COP1: variants seen among roughly 807,000 people sequenced by gnomAD.
COP1 encodes COP1 E3 ubiquitin ligase.
In COP1, 24 loss-of-function variants were observed where a neutral mutation model predicts 101.3. The observed-to-expected ratio is 0.24, with a 90% CI of 0.17 to 0.33. The LOEUF is 0.33. Ranked by LOEUF, COP1 falls within the 10% of genes least tolerant of loss-of-function variation. COP1 has a pLI of 1.00. For missense variants in COP1, 663 were observed against 906.2 expected (o/e 0.73, Z 3.45); for synonymous variants, 347 against 341.9 (o/e 1.01, Z -0.17).
intron 9 of COP1, among the ~76,000 whole-genome samples, chr1:176,097,864 A>C (rs1682693704): frequency 8.5e-6 from 1 of 117,432 alleles, no homozygotes; most frequent in African/African-American, 3.0e-5. Context: ...GTGAAACTCC[A>C]TCTCAAAAAA....
At chr1:176,150,621 T>C (rs1286949741) in intron 5 of COP1, among the ~76,000 whole-genome samples, 1 of 152,218 alleles carries the variant, frequency 6.6e-6, no homozygotes, top group African/African-American at 2.4e-5. Context: ...ATTTAAAAAG[T>C]AACAACTTTA....
chr1:176,017,800 G>C lies in COP1; in HGVS notation c.1729+9772C>G, dbSNP rs150938826. Among the ~76,000 whole-genome samples, 400 of 152,244 alleles carry C rather than the reference G, an allele frequency of 2.6e-3. 3 individuals carry two copies. Among genetic ancestry groups the C allele is most frequent in the African/African-American group, 9.2e-3 (382 of 41,562 alleles). ...TCGGCCTCCCAAAGTGCTGGGATTAGAGGTGTGAGCCACTGTGCCCAGACT... is the reference window on the plus strand; with the variant it reads ...TCGGCCTCCCAAAGTGCTGGGATTACAGGTGTGAGCCACTGTGCCCAGACT... On this transcript the variant is annotated intron_variant, in intron 15 of 19. Coordinates refer to ENST00000367669, the MANE Select transcript of COP1 (RefSeq NM_022457.7).
intron 15 of COP1, among the ~76,000 whole-genome samples, chr1:175,992,911 G>A (rs977407778): frequency 2.0e-5 from 3 of 152,168 alleles, no homozygotes; most frequent in Non-Finnish European, 2.9e-5. Context: ...GCATGCAGCT[G>A]GAGATCTGAG....
chr1:175,953,114 G>T (rs1208579684), intron 18 of COP1, among the ~76,000 whole-genome samples: 1 of 151,876 alleles, frequency 6.6e-6, no homozygotes, highest in Non-Finnish European at 1.5e-5. Context: ...TAATAAAAGG[G>T]GAGAATAGAA....
intron 9 of COP1, among the ~76,000 whole-genome samples, chr1:176,103,348 C>T (rs924550474): frequency 2.6e-5 from 4 of 152,144 alleles, no homozygotes; most frequent in Admixed American, 6.5e-5. Flanking sequence ...CTCCAGGAAG[C>T]GGGTGAGGCC....
intron 1 of COP1, among the ~76,000 whole-genome samples, chr1:176,189,227 C>G (rs1698826487): frequency 6.6e-6 from 1 of 152,020 alleles, no homozygotes; most frequent in Non-Finnish European, 1.5e-5. Flanking sequence ...ATGGAGCAGG[C>G]ACTGTCTAAT....
Position 175,998,621 on chromosome 1 carries a change from A to C in COP1, c.1730-9142T>G, listed in dbSNP as rs527613552. Among the ~76,000 whole-genome samples the C allele has an allele frequency of 9.8e-4, 149 of 152,212 alleles. 1 individual carries two copies. Among genetic ancestry groups the C allele is most frequent in the Non-Finnish European group, 1.3e-3 (90 of 67,954 alleles). On this transcript the variant is annotated intron_variant, in intron 15 of 19. Coordinates refer to ENST00000367669, the MANE Select transcript of COP1 (RefSeq NM_022457.7). ...TTTCAGGACTTCTGCAAATTATGAAATCTTTCATCTAGTACCAGGGTTATT... is the reference window on the plus strand; with the variant it reads ...TTTCAGGACTTCTGCAAATTATGAACTCTTTCATCTAGTACCAGGGTTATT...
At chr1:176,047,883 T>G (rs1671777518) in intron 11 of COP1, among the ~76,000 whole-genome samples, 1 of 152,098 alleles carries the variant, frequency 6.6e-6, no homozygotes, top group South Asian at 2.1e-4. Context: ...GAGACCAGCC[T>G]GGCAACATAG....
At chr1:175,996,771 A>C (rs1660256350) in intron 15 of COP1, among the ~76,000 whole-genome samples, 1 of 152,184 alleles carries the variant, frequency 6.6e-6, no homozygotes, top group South Asian at 2.1e-4. Flanking sequence ...ATGGAAGAAC[A>C]TTCCATGCTC....
intron 1 of COP1, among the ~76,000 whole-genome samples, chr1:176,204,585 C>T (rs1225470710): frequency 6.6e-6 from 1 of 152,156 alleles, no homozygotes; most frequent in African/African-American, 2.4e-5. Flanking sequence ...GAATATTAAA[C>T]CTCACCAGAA....
chr1:176,116,408 G>A (rs1330250668), intron 9 of COP1, among the ~76,000 whole-genome samples: 1 of 152,044 alleles, frequency 6.6e-6, no homozygotes, highest in East Asian at 1.9e-4. Flanking sequence ...ATCACAACTT[G>A]GTGAAGAAAA....
chr1:176,048,977 C>T (rs972496348), intron 11 of COP1, among the ~76,000 whole-genome samples: 1 of 150,514 alleles, frequency 6.6e-6, no homozygotes, highest in Non-Finnish European at 1.5e-5. Flanking sequence ...TCGAGACCAT[C>T]CTGGCTAACA....
intron 12 of COP1, among the ~76,000 whole-genome samples, chr1:176,045,454 A>G (rs1339296803): frequency 6.6e-6 from 1 of 152,130 alleles, no homozygotes; most frequent in Non-Finnish European, 1.5e-5. Flanking sequence ...AAGATAAAAA[A>G]GGTTCAAGGA....
In COP1 at chr1:176,046,238, T is replaced by A. The variant is rs201803019; in HGVS notation, c.1364A>T (p.Gln455Leu). The change falls in exon 12 of 20, where the codon CAG becomes CTG. Residue 455 changes from glutamine to leucine, a missense_variant. By Grantham distance (113) the Gln-to-Leu change is moderately radical (BLOSUM62 -2). Around this residue, in one of 4 missense-constraint regions of COP1, gnomAD observed 209 missense variants for 383.3 expected, o/e 0.55. Coordinates refer to ENST00000367669, the MANE Select transcript of COP1 (RefSeq NM_022457.7). ...AGGGTAATGAATATCCACTGCATCC[T>A]GGATGACAGTGTCATATTCATAGAC... is the stretch of plus-strand genomic sequence containing the variant. Reference protein sequence around the residue: ...IKVYEYDTVIQDAVDIHYPEN... With the variant: ...IKVYEYDTVILDAVDIHYPEN... 29 of 1,606,550 alleles carry A rather than the reference T, an allele frequency of 1.8e-5. No homozygotes were observed. The highest frequency in any genetic ancestry group is 3.4e-6 in the Non-Finnish European group (4 of 1,176,170).
At chr1:176,195,555 A>G (rs760969761) in intron 1 of COP1, among the ~76,000 whole-genome samples, 3 of 152,232 alleles carry the variant, frequency 2.0e-5, no homozygotes, top group Non-Finnish European at 4.4e-5. Flanking sequence ...TAGCGAAGAT[A>G]AAGCTTATGG....
At chr1:176,167,688 T>C (rs1286741733) in intron 3 of COP1, among the ~76,000 whole-genome samples, 1 of 152,176 alleles carries the variant, frequency 6.6e-6, no homozygotes, top group African/African-American at 2.4e-5. Flanking sequence ...AAGACTCCAT[T>C]CAAGCAACGG....
chr1:176,166,361 G>A (rs977798066), intron 3 of COP1, among the ~76,000 whole-genome samples: 5 of 152,032 alleles, frequency 3.3e-5, no homozygotes, highest in Admixed American at 2.6e-4. Flanking sequence ...TCTTGGCCTC[G>A]AGTGATCCGT....
At chr1:176,067,872 G>A (rs976957380) in intron 11 of COP1, among the ~76,000 whole-genome samples, 14 of 152,154 alleles carry the variant, frequency 9.2e-5, no homozygotes, top group African/African-American at 3.4e-4. Flanking sequence ...ACACTGCTGT[G>A]GGGTCAGAGC....
chr1:176,007,603 G>A lies in COP1; in HGVS notation c.1730-18124C>T, dbSNP rs553935018. 4.1e-4 allele frequency among the ~76,000 whole-genome samples: 62 copies of A among 151,938 alleles called. 1 individual carries two copies. In the South Asian group the frequency reaches 0.011, roughly 27 times the overall value. ...TGCAGGTCTGTTGGAATACCCTGCC[G>A]TGTGAGATGTCAGTGTGCCCCTGCT... On this transcript the variant is annotated intron_variant, in intron 15 of 19. Coordinates refer to ENST00000367669, the MANE Select transcript of COP1 (RefSeq NM_022457.7).
Sources: gnomAD v4.1 joint callset for allele counts (sites outside exome capture counted in the v4.1 genomes callset) on GRCh38, gnomAD v4.1.1 for gene constraint, gnomAD v4.1.1 regional missense constraint, MANE v1.5 for transcripts, NCBI Gene and HGNC (gene_info 2026-07-23, HGNC 2026-07-21) for gene names.